The following CCSER1 variants were observed in gnomAD, a reference collection of about 807,000 sequenced individuals.
CCSER1 encodes the protein serine-rich coiled-coil domain-containing protein 1.
CCSER1 carries 41 observed loss-of-function variants against 82.0 expected under a neutral mutation model. The observed-to-expected ratio is 0.50, with a 90% CI of 0.39 to 0.65. The LOEUF (loss-of-function observed/expected upper bound fraction) is 0.65. Ranked by LOEUF, CCSER1 falls within the 30% of genes least tolerant of loss-of-function variation. CCSER1 has a pLI of 0.00. For synonymous variants in CCSER1, 414 were observed against 383.9 expected, an observed-to-expected ratio of 1.08 and a Z score of -0.92; for missense variants, 1,119 against 1,064.2, an observed-to-expected ratio of 1.05 and a Z score of -0.72.
At chr4:91,257,303 A>C (rs1260917913) in intron 10 of CCSER1, among the ~76,000 whole-genome samples, 2 of 152,154 alleles carry the variant, frequency 1.3e-5, no homozygotes, top group African/African-American at 4.8e-5. Flanking sequence ...CACAAGATAC[A>C]ATGAAATATT....
chr4:91,124,645 T>C lies in CCSER1; in HGVS notation c.2217+38651T>C, dbSNP rs78313949. On this transcript the variant is annotated intron_variant, in intron 10 of 10. Transcript: ENST00000509176. ...GTTTTAGTTTATTATCTTTTCATAATTTGATAAACTCTTTGAATATGGAAC... is the reference window on the plus strand; with the variant it reads ...GTTTTAGTTTATTATCTTTTCATAACTTGATAAACTCTTTGAATATGGAAC... Among the ~76,000 whole-genome samples, 24 of 151,942 alleles carry C rather than the reference T, an allele frequency of 1.6e-4. No homozygotes were observed. In the East Asian group the frequency reaches 3.3e-3, roughly 21 times the overall value.
chr4:90,739,505 T>C (rs904908544), intron 7 of CCSER1, among the ~76,000 whole-genome samples: 1 of 152,176 alleles, frequency 6.6e-6, no homozygotes, highest in Non-Finnish European at 1.5e-5. Flanking sequence ...CTTAGCTTCA[T>C]GGGCTCCAAG....
chr4:91,432,278 G>T (rs1471794598), intron 10 of CCSER1, among the ~76,000 whole-genome samples: 1 of 152,098 alleles, frequency 6.6e-6, no homozygotes, highest in Non-Finnish European at 1.5e-5. Flanking sequence ...TTATAGCAGT[G>T]TGATAATGGA....
chr4:90,726,143 A>C (rs1743598365), intron 7 of CCSER1, among the ~76,000 whole-genome samples: 1 of 151,906 alleles, frequency 6.6e-6, no homozygotes, highest in African/African-American at 2.4e-5. Flanking sequence ...GAAGAAATGT[A>C]TTTACTCCAC....
intron 1 of CCSER1, among the ~76,000 whole-genome samples, chr4:90,159,737 T>A (rs886212008): frequency 3.3e-5 from 5 of 152,220 alleles, no homozygotes; most frequent in Non-Finnish European, 7.3e-5. Flanking sequence ...TTCTTTTGAC[T>A]CAGGTGGTCA....
intron 1 of CCSER1, among the ~76,000 whole-genome samples, chr4:90,272,900 G>T (rs1461750721): frequency 6.6e-6 from 1 of 152,194 alleles, no homozygotes; most frequent in Non-Finnish European, 1.5e-5. Flanking sequence ...CTACTCGGGA[G>T]GCTGAGGCAG....
At chr4:90,661,209 T>G (rs1377207563) in intron 6 of CCSER1, among the ~76,000 whole-genome samples, 2 of 152,342 alleles carry the variant, frequency 1.3e-5, no homozygotes, top group East Asian at 3.9e-4. Context: ...GTATTGAGGT[T>G]GGTTTTTAAC....
intron 8 of CCSER1, among the ~76,000 whole-genome samples, chr4:90,881,693 G>A (rs115278203): frequency 0.044 from 6,678 of 152,274 alleles, 195 homozygotes; most frequent in Middle Eastern, 0.082. Flanking sequence ...GCCGAGGTGG[G>A]AGGATTGCTT....
chr4:90,559,708 A>G (rs540282664), intron 5 of CCSER1, among the ~76,000 whole-genome samples: 4 of 150,650 alleles, frequency 2.7e-5, no homozygotes, highest in East Asian at 2.0e-4. Context: ...TACTCGGGAG[A>G]CTGAGGCAGG....
At chr4:90,355,816 G>A (rs9993515) in intron 3 of CCSER1, among the ~76,000 whole-genome samples, 42,617 of 151,862 alleles carry the variant, frequency 0.28, 6,600 homozygotes, top group African/African-American at 0.41. Context: ...TGCACTTGCT[G>A]AACAAATTGG....
intron 1 of CCSER1, among the ~76,000 whole-genome samples, chr4:90,150,646 AAAACCAGTAC>A (rs1726662258): frequency 6.6e-6 from 1 of 152,156 alleles, no homozygotes; most frequent in Non-Finnish European, 1.5e-5. Context: ...ATTTGTTGTT[AAAACCAGTAC>A]TGACCACAGT....
In CCSER1 at chr4:90,468,251, T is replaced by C. The variant is rs903350680; in HGVS notation, c.1621T>C (p.Tyr541His). Residue 541 changes from tyrosine to histidine, a missense_variant, in exon 5 of 11, where the codon TAT becomes CAT. Tyr to His is a moderately conservative substitution (Grantham distance 83, BLOSUM62 2). Coordinates refer to ENST00000509176, the MANE Select transcript of CCSER1 (RefSeq NM_001145065.2). Reference protein sequence around the residue: ...LHPSVCREDSYHSVVSCAAVV... With the variant: ...LHPSVCREDSHHSVVSCAAVV... The stretch of plus-strand genomic sequence containing the variant: ...TTGAACAGTTTGCCGGGAGGACTCA[T>C]ATCACTCTGTCGTCTCATGTGCCGC... The C allele has an allele frequency of 6.2e-7, 1 of 1,603,004 alleles. No homozygotes were observed.
chr4:91,296,803 T>C (rs949846249), intron 10 of CCSER1, among the ~76,000 whole-genome samples: 1 of 151,656 alleles, frequency 6.6e-6, no homozygotes, highest in Non-Finnish European at 1.5e-5. Context: ...TGGGATTTTT[T>C]AAAATCTACC....
intron 5 of CCSER1, among the ~76,000 whole-genome samples, chr4:90,577,166 CTT>C (rs1231994521): frequency 6.6e-6 from 1 of 152,014 alleles, no homozygotes; most frequent in Non-Finnish European, 1.5e-5. Context: ...GTCTGTATAT[CTT>C]TTTGTTGACG....
At chr4:91,300,983 C>T (rs2149238260) in intron 10 of CCSER1, among the ~76,000 whole-genome samples, 1 of 151,826 alleles carries the variant, frequency 6.6e-6, no homozygotes, top group East Asian at 2.0e-4. Context: ...TCACTTTATC[C>T]TAAAAGGAAA....
At chr4:90,516,138 A>G (rs1772237157) in intron 5 of CCSER1, among the ~76,000 whole-genome samples, 1 of 152,154 alleles carries the variant, frequency 6.6e-6, no homozygotes, top group Non-Finnish European at 1.5e-5. Context: ...GCCCTTTTTG[A>G]GGAATTGGTA....
chr4:90,894,819 A>G (rs1279344956), intron 8 of CCSER1, among the ~76,000 whole-genome samples: 3 of 151,976 alleles, frequency 2.0e-5, no homozygotes, highest in Non-Finnish European at 4.4e-5. Flanking sequence ...GCTTTTTACT[A>G]TATGAGTGAT....
chr4:90,597,297 G>A (rs980507739), intron 5 of CCSER1, among the ~76,000 whole-genome samples: 6 of 151,834 alleles, frequency 4.0e-5, no homozygotes, highest in African/African-American at 1.5e-4. Flanking sequence ...TAACTAATTG[G>A]TATTATGAGT....
intron 6 of CCSER1, among the ~76,000 whole-genome samples, chr4:90,706,453 A>G (rs369329927): frequency 1.3e-5 from 2 of 152,142 alleles, no homozygotes; most frequent in Non-Finnish European, 2.9e-5. Flanking sequence ...CTAAAAAGTC[A>G]ATTAATTAAT....
Sources: allele counts gnomAD v4.1 joint callset (sites outside exome capture counted in the v4.1 genomes callset), GRCh38; gene constraint gnomAD v4.1.1; transcripts MANE v1.5; gene names NCBI Gene and HGNC (gene_info 2026-07-23, HGNC 2026-07-21).